SLC44A5: variants seen among roughly 807,000 people sequenced by gnomAD.
The protein encoded by SLC44A5 is solute carrier family 44 member 5, also known as choline transporter-like protein 5.
In SLC44A5, 57 loss-of-function variants were observed where a neutral mutation model predicts 101.8. The observed-to-expected ratio is 0.56, with a 90% CI of 0.45 to 0.70. SLC44A5 has a LOEUF of 0.70. Ranked by LOEUF, SLC44A5 falls within the 30% of genes least tolerant of loss-of-function variation. The pLI is 0.00. For synonymous variants in SLC44A5, 281 were observed against 290.9 expected, an observed-to-expected ratio of 0.97 and a Z score of 0.35; for missense variants, 737 against 853.1, an observed-to-expected ratio of 0.86 and a Z score of 1.70.
At chr1:75,615,415 T>TTACACACACACATACA (rs1675827711), upstream of SLC44A5, among the ~76,000 whole-genome samples, 1 of 47,462 alleles carries the variant, frequency 2.1e-5, no homozygotes, top group Admixed American at 2.7e-4. Flanking sequence ...TCTCTCTCTC[T>TTACACACACACATACA]TACACACACA....
chr1:75,691,127 C>T, the SLC44A5 span, among the ~76,000 whole-genome samples: 1 of 152,074 alleles, frequency 6.6e-6, no homozygotes, highest in East Asian at 1.9e-4. Flanking sequence ...TCACTATTTT[C>T]CAACTTGTTC....
intron 2 of SLC44A5, among the ~76,000 whole-genome samples, chr1:75,471,551 C>T (rs531347252): frequency 6.6e-6 from 1 of 152,220 alleles, no homozygotes; most frequent in South Asian, 2.1e-4. Context: ...AGCCCATGCC[C>T]TCAATCAAGC....
intron 1 of SLC44A5, among the ~76,000 whole-genome samples, chr1:75,606,587 A>G (rs1293774814): frequency 6.6e-6 from 1 of 151,958 alleles, no homozygotes; most frequent in Admixed American, 6.6e-5. Context: ...AAACCCTTCA[A>G]AACAGTTAAC....
At chr1:75,431,599 T>G (rs1257897863) in intron 2 of SLC44A5, among the ~76,000 whole-genome samples, 1 of 152,206 alleles carries the variant, frequency 6.6e-6, no homozygotes, top group Non-Finnish European at 1.5e-5. Flanking sequence ...CATTTAATAG[T>G]CTAGTGGCGA....
intron 3 of SLC44A5, among the ~76,000 whole-genome samples, chr1:75,359,269 CTG>C (rs1403279789): frequency 7.7e-6 from 1 of 129,608 alleles, no homozygotes; most frequent in Admixed American, 8.9e-5. Flanking sequence ...GGGTCTCACT[CTG>C]TCACTCAGGC....
At chr1:75,686,473 C>T in the SLC44A5 span, among the ~76,000 whole-genome samples, 1 of 152,136 alleles carries the variant, frequency 6.6e-6, no homozygotes, top group African/African-American at 2.4e-5. Context: ...AGTACGGAAG[C>T]CCTAAAGCAG....
At chr1:75,661,403 A>AAAAAAAAAAAAC in the SLC44A5 span, among the ~76,000 whole-genome samples, 1 of 149,014 alleles carries the variant, frequency 6.7e-6, no homozygotes, top group African/African-American at 2.5e-5. Context: ...AAAAAAAAAA[A>AAAAAAAAAAAAC]AAAAAAAAAA....
At chr1:75,314,514 G>C (rs1191467909) in intron 4 of SLC44A5, among the ~76,000 whole-genome samples, 1 of 152,168 alleles carries the variant, frequency 6.6e-6, no homozygotes, top group Admixed American at 6.5e-5. Flanking sequence ...TCTATCTTTA[G>C]ACTTTCATTG....
At chr1:75,251,392 G>C (rs747434186) in intron 6 of SLC44A5, 98 bp from the exon 7 acceptor site, 1 of 949,956 alleles carries the variant, frequency 1.1e-6, no homozygotes, top group Non-Finnish European at 1.6e-6. Flanking sequence ...TTAAAAATTG[G>C]TTTCATTATC....
At chr1:75,681,348 C>A in the SLC44A5 span, among the ~76,000 whole-genome samples, 1,118 of 151,864 alleles carry the variant, frequency 7.4e-3, 3 homozygotes, top group Non-Finnish European at 0.011. Context: ...CATTGATGCA[C>A]AAATCCTCAA....
In SLC44A5 at chr1:75,280,451, T is replaced by A. The variant is rs61796542; in HGVS notation, c.176-5409A>T. On this transcript the variant is annotated intron_variant, in intron 5 of 23. Transcript: ENST00000370859. ...TGTATATATTATATATAGTATATAT[T>A]ATATATAGTATATATAATATATAAT... is the stretch of plus-strand genomic sequence containing the variant. Among the ~76,000 whole-genome samples the A allele has an allele frequency of 5.0e-4, 40 of 80,026 alleles. 1 individual carries two copies. Among genetic ancestry groups the A allele is most frequent in the Non-Finnish European group, 6.0e-4 (26 of 43,562 alleles). The allele number at this position is 80,026 out of a possible 152,430, so 52.5% of individuals were successfully genotyped here.
intron 1 of SLC44A5, among the ~76,000 whole-genome samples, chr1:75,544,500 T>C (rs1482671778): frequency 6.6e-6 from 1 of 151,964 alleles, no homozygotes; most frequent in Non-Finnish European, 1.5e-5. Context: ...TCTGTGTGCA[T>C]GTGCACACAC....
intron 2 of SLC44A5, among the ~76,000 whole-genome samples, chr1:75,534,859 T>C (rs1670910078): frequency 6.6e-6 from 1 of 152,150 alleles, no homozygotes; most frequent in African/African-American, 2.4e-5. Context: ...GAGATAAACA[T>C]CTACTTTAAT....
At chr1:75,491,923 TC>T (rs1167248673) in intron 2 of SLC44A5, among the ~76,000 whole-genome samples, 4 of 152,208 alleles carry the variant, frequency 2.6e-5, no homozygotes, top group Admixed American at 6.5e-5. Context: ...GGTTTTCATT[TC>T]TTCCATTTTT....
chr1:75,697,806 G>A, the SLC44A5 span, among the ~76,000 whole-genome samples: 1 of 152,206 alleles, frequency 6.6e-6, no homozygotes, highest in African/African-American at 2.4e-5. Context: ...CACCGTGCGT[G>A]AGCTGAAGCA....
At chr1:75,608,997 G>A (rs1382015688) in intron 1 of SLC44A5, among the ~76,000 whole-genome samples, 1 of 151,760 alleles carries the variant, frequency 6.6e-6, no homozygotes, top group African/African-American at 2.4e-5. Flanking sequence ...TAAACCTCAT[G>A]AAGAATTCAT....
chr1:75,674,850 C>A, the SLC44A5 span, among the ~76,000 whole-genome samples: 1 of 152,148 alleles, frequency 6.6e-6, no homozygotes, highest in Admixed American at 6.5e-5. Context: ...TCTCCCAGCA[C>A]CATTTATTAA....
chr1:75,606,027 A>T lies in SLC44A5; in HGVS notation c.-70+5013T>A, dbSNP rs116804671. Among the ~76,000 whole-genome samples the T allele has an allele frequency of 9.0e-3, 1,374 of 152,144 alleles. 25 individuals carry two copies. The highest frequency in any genetic ancestry group is 0.031 in the African/African-American group (1,293 of 41,522). ...TGCCACCAGCGCCACTCCAGTCATG[A>T]CAATCAAAATATCTCCAGACACTGT... On this transcript the variant is annotated intron_variant, in intron 1 of 23. Coordinates refer to ENST00000370859, the MANE Select transcript of SLC44A5 (RefSeq NM_001130058.2).
the SLC44A5 span, among the ~76,000 whole-genome samples, chr1:75,654,820 T>G: frequency 6.6e-6 from 1 of 152,182 alleles, no homozygotes; most frequent in South Asian, 2.1e-4. Context: ...AATTTTATTA[T>G]TAATACTCTT....
Sources: gnomAD v4.1 joint callset for allele counts (sites outside exome capture counted in the v4.1 genomes callset) on GRCh38, gnomAD v4.1.1 for gene constraint, MANE v1.5 for transcripts, NCBI Gene and HGNC (gene_info 2026-07-23, HGNC 2026-07-21) for gene names.